The following RABL3 variants were observed in gnomAD, a reference collection of about 807,000 sequenced individuals.
RABL3 encodes rab-like protein 3.
RABL3 carries 31 observed loss-of-function variants against 31.8 expected under a neutral mutation model. The ratio of observed to expected loss-of-function variants is 0.97; its 90% CI spans 0.73 to 1.31. RABL3 has a LOEUF of 1.31. Among genes scored for constraint, RABL3 ranks in the 40% most tolerant of loss-of-function variants. The pLI, the probability that RABL3 is intolerant of heterozygous loss-of-function variation, is 0.00. For missense variants in RABL3, 263 were observed against 279.6 expected (o/e 0.94, Z 0.42); for synonymous variants, 97 against 99.9 (o/e 0.97, Z 0.18).
chr3:120,710,081 A>G (rs1708596069), intron 2 of RABL3, among the ~76,000 whole-genome samples, 172 bp from the exon 3 acceptor site: 1 of 152,074 alleles, frequency 6.6e-6, no homozygotes, highest in Admixed American at 6.6e-5. Context: ...AGAGGACCTT[A>G]TAGTTAATTA....
chr3:120,688,443 G>A lies in RABL3; in HGVS notation c.*1380C>T, dbSNP rs1403901442. The A allele has an allele frequency of 8.5e-5, 13 of 152,442 alleles. No individual in the cohort carries two copies. Among genetic ancestry groups the A allele is most frequent in the Admixed American group, 8.5e-4 (13 of 15,282 alleles). The allele number at this position is 152,442 out of a possible 1,614,324, so 9.4% of individuals were successfully genotyped here. ...AATCCTTTTCCAAATTCCCAAGACT[G>A]CCTTTCTAAAAGGACTCTCTAACAT... On this transcript the variant is annotated 3_prime_UTR_variant, in exon 8 of 8. Transcript: ENST00000273375.
chr3:120,697,158 T>TG (rs1227133423), intron 5 of RABL3, among the ~76,000 whole-genome samples: 1 of 152,226 alleles, frequency 6.6e-6, no homozygotes, highest in Non-Finnish European at 1.5e-5. Context: ...GGGTAACTGT[T>TG]GGTCTAGATG....
intron 6 of RABL3, among the ~76,000 whole-genome samples, chr3:120,692,539 A>G (rs1708393035): frequency 6.6e-6 from 1 of 152,190 alleles, no homozygotes; most frequent in African/African-American, 2.4e-5. Context: ...GAACTGATGT[A>G]TAGAAAACTG....
chr3:120,717,749 G>A (rs1034937037), intron 2 of RABL3, among the ~76,000 whole-genome samples: 11 of 152,264 alleles, frequency 7.2e-5, no homozygotes, highest in South Asian at 2.1e-4. Flanking sequence ...GATTACAGGC[G>A]TGACCCACCG....
intron 4 of RABL3, among the ~76,000 whole-genome samples, chr3:120,702,560 CTTT>C (rs977105954): frequency 5.0e-5 from 7 of 140,914 alleles, no homozygotes; most frequent in Admixed American, 7.1e-5. Flanking sequence ...GGAAATTTTT[CTTT>C]TTTTTTTTTT....
At chr3:120,713,808 C>CCT in intron 2 of RABL3, among the ~76,000 whole-genome samples, 1 of 121,692 alleles carries the variant, frequency 8.2e-6, no homozygotes, top group East Asian at 2.4e-4. Context: ...TTGTCTGTAA[C>CCT]TTTTTTTTTT....
At chr3:120,730,262 T>C (rs979289652) in intron 2 of RABL3, among the ~76,000 whole-genome samples, 6 of 152,246 alleles carry the variant, frequency 3.9e-5, no homozygotes, top group African/African-American at 1.4e-4. Flanking sequence ...TAATTAAAAC[T>C]ATACCTAATT....
rs373850370 is a variant in RABL3, at chr3:120,687,452, A to G, written c.*2371T>C. ...CGTGAGCCAGCACCTGGCCAATTAT[A>G]CTTTTAAAAAAATATTTTGACATTT... On this transcript the variant is annotated 3_prime_UTR_variant, in exon 8 of 8. Coordinates refer to ENST00000273375, the MANE Select transcript of RABL3 (RefSeq NM_173825.5). 7.2e-5 allele frequency: 11 copies of G among 152,124 alleles called. No individual in the cohort carries two copies. The highest frequency in any genetic ancestry group is 2.2e-4 in the African/African-American group (9 of 41,436). 9.4% of individuals were successfully genotyped at this position (152,124 alleles called of 1,614,324 possible). A position where few individuals can be genotyped will look rare whatever the true frequency, so the allele number is the denominator to read the frequency against.
rs1708325582 is a variant in RABL3, at chr3:120,687,545, TCA to T, written c.*2276_*2277del. On this transcript the variant is annotated 3_prime_UTR_variant, in exon 8 of 8. Coordinates refer to ENST00000273375, the MANE Select transcript of RABL3 (RefSeq NM_173825.5). ...AAGAAGTCCTAGCAAAAATTGTGCT[TCA>T]TTCTTTTTTGAATAACTCTAGCTAA... 1 of 152,246 alleles carries T rather than the reference TCA, an allele frequency of 6.6e-6. No homozygotes were observed. The highest frequency in any genetic ancestry group is 2.4e-5 in the African/African-American group (1 of 41,472). The allele number at this position is 152,246 out of a possible 1,614,324, so 9.4% of individuals were successfully genotyped here.
intron 1 of RABL3, among the ~76,000 whole-genome samples, chr3:120,735,779 T>C (rs185022885): frequency 3.7e-4 from 57 of 152,336 alleles, no homozygotes; most frequent in African/African-American, 1.3e-3. Context: ...AACATCTTCA[T>C]TTCTGCCTTC....
intron 1 of RABL3, among the ~76,000 whole-genome samples, chr3:120,736,933 C>CT (rs1352322107): frequency 1.3e-5 from 2 of 152,242 alleles, no homozygotes; most frequent in African/African-American, 4.8e-5. Flanking sequence ...GGTAACCTGA[C>CT]TTTTCTCTCT....
At chr3:120,730,627 T>G in intron 2 of RABL3, 69 bp downstream of exon 2, 1 of 1,042,586 alleles carries the variant, frequency 9.6e-7, no homozygotes. Flanking sequence ...GTACTGTAAT[T>G]TGATCATGTA....
rs566698516 is a variant in RABL3 at position 120,695,521 on chromosome 3, T to C, written c.535-1297A>G. Among the ~76,000 whole-genome samples the C allele has an allele frequency of 1.3e-4, 20 of 152,268 alleles. No individual in the cohort carries two copies. The South Asian group carries it at 2.5e-3, about 19-fold the overall frequency. ...TTAAATAATCCATACCTGGACATAC[T>C]GGGTAGTAAAATATTAGTCCTCCTC... is the stretch of plus-strand genomic sequence containing the variant. On this transcript the variant is annotated intron_variant, in intron 5 of 7. Transcript: ENST00000273375.
intron 1 of RABL3, among the ~76,000 whole-genome samples, chr3:120,732,554 T>C (rs1469281762): frequency 1.3e-5 from 2 of 151,580 alleles, no homozygotes; most frequent in South Asian, 2.1e-4. Context: ...TTTTATTTTA[T>C]TTATTTATTT....
At chr3:120,737,317 G>A (rs954519374) in intron 1 of RABL3, among the ~76,000 whole-genome samples, 4 of 152,046 alleles carry the variant, frequency 2.6e-5, no homozygotes, top group Admixed American at 1.3e-4. Context: ...TGATCAAATC[G>A]GCTACTGAAG....
intron 2 of RABL3, among the ~76,000 whole-genome samples, chr3:120,710,953 C>CT (rs758130093): frequency 6.6e-6 from 1 of 152,120 alleles, no homozygotes; most frequent in Non-Finnish European, 1.5e-5. Context: ...CCCCAATGAA[C>CT]TATTCCTTGT....
intron 1 of RABL3, among the ~76,000 whole-genome samples, chr3:120,735,480 C>A (rs111722202): frequency 1.3e-5 from 2 of 151,934 alleles, no homozygotes; most frequent in Non-Finnish European, 1.5e-5. Flanking sequence ...TTTTGTTGAT[C>A]TTTTCAAAAA....
intron 3 of RABL3, 81 bp downstream of exon 3, chr3:120,709,699 C>G: frequency 9.6e-7 from 1 of 1,038,098 alleles, no homozygotes; most frequent in Non-Finnish European, 1.4e-6. Context: ...TAAGATGAGT[C>G]TGGCATGCTA....
At chr3:120,692,654 A>G (rs1708394538) in intron 6 of RABL3, among the ~76,000 whole-genome samples, 1 of 152,144 alleles carries the variant, frequency 6.6e-6, no homozygotes, top group Non-Finnish European at 1.5e-5. Context: ...TCAGGCAATA[A>G]AAGAGAAGTT....
Sources: allele counts gnomAD v4.1 joint callset (sites outside exome capture counted in the v4.1 genomes callset), GRCh38; gene constraint gnomAD v4.1.1; transcripts MANE v1.5; gene names NCBI Gene and HGNC (gene_info 2026-07-23, HGNC 2026-07-21).